Variants in ZNF541 observed in about 807,000 individuals in gnomAD.
The protein encoded by ZNF541 is zinc finger protein 541.
ZNF541 carries 23 observed loss-of-function variants against 123.5 expected under a neutral mutation model. The observed-to-expected ratio is 0.19, with a 90% CI of 0.13 to 0.26. The LOEUF (loss-of-function observed/expected upper bound fraction) is 0.26, where lower values mean the gene tolerates loss of function less well. Ranked by LOEUF, ZNF541 falls within the 10% of genes least tolerant of loss-of-function variation. ZNF541 has a pLI of 1.00. For missense variants in ZNF541, 1,612 were observed against 1,789.9 expected, an observed-to-expected ratio of 0.90 and a Z score of 1.79; for synonymous variants, 751 against 754.5, an observed-to-expected ratio of 1.00 and a Z score of 0.08.
At chr19:47,543,658 T>A (rs952260824) in intron 5 of ZNF541, among the ~76,000 whole-genome samples, 1 of 151,084 alleles carries the variant, frequency 6.6e-6, no homozygotes, top group Non-Finnish European at 1.5e-5. Flanking sequence ...TTTTTTTTTT[T>A]AAGACAGGGT....
chr19:47,551,745 G>A (rs185947607), intron 3 of ZNF541, among the ~76,000 whole-genome samples: 1 of 152,018 alleles, frequency 6.6e-6, no homozygotes, highest in Non-Finnish European at 1.5e-5. Context: ...TGTTGCCCAG[G>A]TTAGTCTCAA....
chr19:47,531,032 C>T (rs1053893099), intron 12 of ZNF541, among the ~76,000 whole-genome samples: 1 of 152,136 alleles, frequency 6.6e-6, no homozygotes, highest in Admixed American at 6.6e-5. Flanking sequence ...GCCTACAGTA[C>T]AGGCAACCAG....
intron 3 of ZNF541, among the ~76,000 whole-genome samples, chr19:47,554,314 C>G (rs559569254): frequency 6.6e-6 from 1 of 152,234 alleles, no homozygotes; most frequent in African/African-American, 2.4e-5. Flanking sequence ...ACTTGTAATC[C>G]CAGCTACTCA....
chr19:47,552,530 T>C (rs1023606691), intron 3 of ZNF541, among the ~76,000 whole-genome samples: 1 of 151,946 alleles, frequency 6.6e-6, no homozygotes, highest in Non-Finnish European at 1.5e-5. Context: ...TAAAAATGCC[T>C]ATTAAAATCG....
At chr19:47,559,495 A>G (rs1033248749) in intron 2 of ZNF541, among the ~76,000 whole-genome samples, 3 of 152,076 alleles carry the variant, frequency 2.0e-5, no homozygotes, top group Non-Finnish European at 4.4e-5. Flanking sequence ...CAAAAAATCA[A>G]CTTTAACAAA....
chr19:47,560,598 T>G (rs905157587), intron 2 of ZNF541, among the ~76,000 whole-genome samples: 2 of 141,676 alleles, frequency 1.4e-5, no homozygotes, highest in Admixed American at 1.4e-4. Flanking sequence ...AAAAAAAAAG[T>G]CCACACTGGC....
At chr19:47,522,414 A>G (rs950919232) in intron 14 of ZNF541, among the ~76,000 whole-genome samples, 6 of 152,340 alleles carry the variant, frequency 3.9e-5, no homozygotes, top group African/African-American at 1.4e-4. Context: ...GAAGAAGGGG[A>G]GGTTTTGAGT....
At chr19:47,524,461 T>C (rs946073601) in intron 14 of ZNF541, among the ~76,000 whole-genome samples, 5 of 152,102 alleles carry the variant, frequency 3.3e-5, no homozygotes, top group Non-Finnish European at 7.4e-5. Flanking sequence ...ATCCCAGCAC[T>C]TTGGGAGGCC....
intron 9 of ZNF541, among the ~76,000 whole-genome samples, chr19:47,537,674 G>C (rs1357543056): frequency 6.6e-6 from 1 of 151,482 alleles, no homozygotes; most frequent in Non-Finnish European, 1.5e-5. Context: ...CCAGGAGCTC[G>C]AGACCAGCCT....
At chr19:47,564,851 T>C (rs1001973033) in intron 2 of ZNF541, among the ~76,000 whole-genome samples, 28 of 152,186 alleles carry the variant, frequency 1.8e-4, no homozygotes, top group African/African-American at 6.5e-4. Flanking sequence ...AAAAAGATAC[T>C]TGCACATGCA....
At chr19:47,523,876 G>A (rs1969163655) in intron 14 of ZNF541, among the ~76,000 whole-genome samples, 1 of 152,170 alleles carries the variant, frequency 6.6e-6, no homozygotes, top group South Asian at 2.1e-4. Context: ...TTCCAGAGAT[G>A]GGGAGCAAAT....
chr19:47,527,180 C>T (rs1969338046), intron 14 of ZNF541, among the ~76,000 whole-genome samples: 1 of 152,122 alleles, frequency 6.6e-6, no homozygotes, highest in South Asian at 2.1e-4. Flanking sequence ...ACAGGGGGTG[C>T]AATGGGGAGT....
chr19:47,525,741 G>A lies in ZNF541; in HGVS notation c.3570+3209C>T, dbSNP rs201756832. 2.0e-4 allele frequency among the ~76,000 whole-genome samples: 31 copies of A among 151,958 alleles called. No individual in the cohort carries two copies. The East Asian group carries it at 4.7e-3, about 23-fold the overall frequency. ...ATCCTGGTTAACACGGTGAAACCCCGTCTCTACTAAAAATACAAAAAATTA... is the reference window on the plus strand; with the variant it reads ...ATCCTGGTTAACACGGTGAAACCCCATCTCTACTAAAAATACAAAAAATTA... On this transcript the variant is annotated intron_variant, in intron 14 of 16. Coordinates refer to ENST00000391901, the MANE Select transcript of ZNF541 (RefSeq NM_001277075.3).
rs941945743 is a variant in ZNF541 at position 47,545,805 on chromosome 19, C to G, written c.724G>C (p.Ala242Pro). ...GGCGGCTGGCCGGCCGACTCGTGGG[C>G]GTGGGGGGAGTCCCCGCAGGCCTCT... Reference protein sequence around the residue: ...EEEACGDSPHAHESAGQPPPS... With the variant: ...EEEACGDSPHPHESAGQPPPS... Residue 242 changes from alanine to proline, a missense_variant, in exon 5 of 17, where the codon GCC becomes CCC. By Grantham distance (27) the Ala-to-Pro change is conservative. Around this residue, in one of 5 missense-constraint regions of ZNF541, gnomAD observed 1,080 missense variants for 1,013.8 expected, o/e 1.07. Transcript: ENST00000391901. This position sits in a 1 kb window ranked among gnomAD's most constrained non-coding sequence, Gnocchi z 7.5. 4.5e-5 allele frequency: 69 copies of G among 1,544,362 alleles called. No homozygotes were observed. The highest frequency in any genetic ancestry group is 3.3e-4 in the Middle Eastern group (2 of 5,988).
intron 2 of ZNF541, among the ~76,000 whole-genome samples, chr19:47,557,034 A>C (rs1280939288): frequency 6.6e-6 from 1 of 152,224 alleles, no homozygotes; most frequent in Non-Finnish European, 1.5e-5. Context: ...CTGGGATTAC[A>C]GGCGTGAGCC....
intron 5 of ZNF541, 51 bp downstream of exon 5, chr19:47,544,075 C>T: frequency 8.8e-6 from 13 of 1,469,728 alleles, no homozygotes; most frequent in Non-Finnish European, 1.2e-5. Context: ...CTAACAAATG[C>T]AAAGGAAACT....
intron 14 of ZNF541, among the ~76,000 whole-genome samples, chr19:47,523,590 TC>T (rs949504039): frequency 6.6e-6 from 1 of 152,096 alleles, no homozygotes; most frequent in African/African-American, 2.4e-5. Flanking sequence ...ATTTACCCTC[TC>T]GTCCAAAACA....
At chr19:47,532,326 A>T in intron 10 of ZNF541, 56 bp from the exon 11 acceptor site, 1 of 1,536,994 alleles carries the variant, frequency 6.5e-7, no homozygotes. Context: ...TGAGATGGGA[A>T]GTGAAATGGA....
chr19:47,526,515 C>T (rs1356441497), intron 14 of ZNF541, among the ~76,000 whole-genome samples: 4 of 144,794 alleles, frequency 2.8e-5, no homozygotes, highest in African/African-American at 1.1e-4. Context: ...ACACAGACAT[C>T]TCAATAAAAA....
Sources: allele counts gnomAD v4.1 joint callset (sites outside exome capture counted in the v4.1 genomes callset), GRCh38; gene constraint gnomAD v4.1.1; regional missense constraint gnomAD v4.1.1; non-coding constraint Gnocchi (gnomAD v3.1); transcripts MANE v1.5; gene names NCBI Gene and HGNC (gene_info 2026-07-23, HGNC 2026-07-21).